The following TRIM9 variants were observed in gnomAD, a reference collection of about 807,000 sequenced individuals.
The protein encoded by TRIM9 is tripartite motif containing 9.
TRIM9 carries 26 observed loss-of-function variants against 78.3 expected under a neutral mutation model. That is an observed-to-expected ratio of 0.33 (90% CI 0.24 to 0.46). The LOEUF (loss-of-function observed/expected upper bound fraction) is 0.46, where lower values mean the gene tolerates loss of function less well. Ranked by LOEUF, TRIM9 falls within the 20% of genes least tolerant of loss-of-function variation. TRIM9 has a pLI of 1.00. For synonymous variants in TRIM9, 398 were observed against 416.5 expected, an observed-to-expected ratio of 0.96 and a Z score of 0.54; for missense variants, 787 against 1,036.4, an observed-to-expected ratio of 0.76 and a Z score of 3.30.
intron 7 of TRIM9, among the ~76,000 whole-genome samples, chr14:50,990,428 C>G (rs531215975): frequency 1.3e-5 from 2 of 152,066 alleles, no homozygotes; most frequent in Non-Finnish European, 2.9e-5. Context: ...GGAGACTCAA[C>G]CATAAGAAAA....
At chr14:51,071,732 G>T (rs533333905) in intron 1 of TRIM9, among the ~76,000 whole-genome samples, 2 of 152,328 alleles carry the variant, frequency 1.3e-5, no homozygotes, top group Admixed American at 6.5e-5. Flanking sequence ...CTTGAGAGTG[G>T]GAGGTCAAGG....
intron 1 of TRIM9, among the ~76,000 whole-genome samples, chr14:51,047,951 C>T (rs553395972): frequency 9.1e-6 from 1 of 110,054 alleles, no homozygotes; most frequent in East Asian, 2.5e-4. Flanking sequence ...TACTGTGAGA[C>T]CCTGTCTCAA....
At chr14:50,995,520 A>G (rs944369131) in intron 7 of TRIM9, among the ~76,000 whole-genome samples, 1 of 152,222 alleles carries the variant, frequency 6.6e-6, no homozygotes, top group African/African-American at 2.4e-5. Context: ...CCCCTGCATA[A>G]CGTTACCTTT....
At chr14:51,072,884 A>G (rs2062420735) in intron 1 of TRIM9, among the ~76,000 whole-genome samples, 1 of 152,204 alleles carries the variant, frequency 6.6e-6, no homozygotes, top group African/African-American at 2.4e-5. Context: ...CTGAGAAAAA[A>G]ATTACAAGAG....
At chr14:51,037,894 A>C (rs1355386788) in intron 1 of TRIM9, among the ~76,000 whole-genome samples, 1 of 152,178 alleles carries the variant, frequency 6.6e-6, no homozygotes, top group Admixed American at 6.5e-5. Flanking sequence ...AAGCAGCATT[A>C]GTACATGTTC....
At chr14:51,029,964 C>T (rs1227219083) in intron 1 of TRIM9, among the ~76,000 whole-genome samples, 1 of 152,184 alleles carries the variant, frequency 6.6e-6, no homozygotes, top group Non-Finnish European at 1.5e-5. Flanking sequence ...GAGAGGATGA[C>T]TATGATTGAT....
At chr14:51,001,646 AT>A (rs921416243) in intron 5 of TRIM9, among the ~76,000 whole-genome samples, 2 of 151,560 alleles carry the variant, frequency 1.3e-5, no homozygotes, top group East Asian at 1.9e-4. Flanking sequence ...ATATTCCATC[AT>A]TTTTTTTTAA....
intron 9 of TRIM9, 99 bp downstream of exon 9, chr14:50,983,281 A>G: frequency 9.6e-7 from 1 of 1,044,494 alleles, no homozygotes; most frequent in Non-Finnish European, 1.4e-6. Flanking sequence ...CAATTAGACA[A>G]TTTTATTGAC....
chr14:51,068,683 G>A (rs2061958453), intron 1 of TRIM9, among the ~76,000 whole-genome samples: 1 of 152,160 alleles, frequency 6.6e-6, no homozygotes, highest in East Asian at 1.9e-4. Flanking sequence ...GCCACTATGG[G>A]TGGGTTATGA....
intron 5 of TRIM9, among the ~76,000 whole-genome samples, chr14:51,002,673 T>C (rs1226924674): frequency 6.6e-6 from 1 of 152,170 alleles, no homozygotes; most frequent in African/African-American, 2.4e-5. Context: ...CAAAACAGTG[T>C]TTAATTTTAC....
chr14:50,992,764 G>C (rs2053684114), intron 7 of TRIM9, among the ~76,000 whole-genome samples: 2 of 152,120 alleles, frequency 1.3e-5, no homozygotes, highest in African/African-American at 4.8e-5. Flanking sequence ...ACAATGAAAG[G>C]GGCAGCGTGA....
At chr14:51,016,464 C>T in intron 3 of TRIM9, among the ~76,000 whole-genome samples, 1 of 150,134 alleles carries the variant, frequency 6.7e-6, no homozygotes, top group Middle Eastern at 3.4e-3. Flanking sequence ...ACCATTCCCC[C>T]CCACCCCCTA....
intron 1 of TRIM9, among the ~76,000 whole-genome samples, chr14:51,072,676 G>A (rs1195602134): frequency 6.6e-6 from 1 of 151,030 alleles, no homozygotes; most frequent in Non-Finnish European, 1.5e-5. Context: ...TTTACTTAGA[G>A]ACTATTTGAA....
At chr14:51,085,248 T>C (rs1201889635) in intron 1 of TRIM9, among the ~76,000 whole-genome samples, 1 of 152,208 alleles carries the variant, frequency 6.6e-6, no homozygotes, top group African/African-American at 2.4e-5. Context: ...CAGTGTCACA[T>C]GAATAAATCA....
chr14:51,023,790 A>G, intron 2 of TRIM9, among the ~76,000 whole-genome samples: 1 of 152,340 alleles, frequency 6.6e-6, no homozygotes, highest in South Asian at 2.1e-4. Flanking sequence ...TTTACAGTAA[A>G]CGAAAGCTAA....
In TRIM9 at chr14:51,035,634, T is replaced by C. The variant is rs554975616; in HGVS notation, c.823-10274A>G. Among the ~76,000 whole-genome samples the C allele has an allele frequency of 2.6e-5, 4 of 152,296 alleles. No individual in the cohort carries two copies. The South Asian group carries it at 6.2e-4, about 24-fold the overall frequency. Reference sequence around the variant, plus strand: ...GAACGCTATACCACCCGGAAGAACATGGTGGCCCAGTGTGGACGTGAAGGC... The same window carrying C: ...GAACGCTATACCACCCGGAAGAACACGGTGGCCCAGTGTGGACGTGAAGGC... On this transcript the variant is annotated intron_variant, in intron 1 of 12. Transcript: ENST00000684578.
At chr14:51,091,638 C>G (rs925185428) in intron 1 of TRIM9, among the ~76,000 whole-genome samples, 2 of 152,126 alleles carry the variant, frequency 1.3e-5, no homozygotes, top group African/African-American at 4.8e-5. Flanking sequence ...TAACAGATGA[C>G]AAGTGAATGT....
chr14:50,990,063 C>G (rs2053292626), intron 7 of TRIM9, among the ~76,000 whole-genome samples: 1 of 152,118 alleles, frequency 6.6e-6, no homozygotes, highest in Non-Finnish European at 1.5e-5. Flanking sequence ...GTCATCCAGG[C>G]TAGAGTGTAG....
At chr14:51,077,280 C>T (rs1399991769) in intron 1 of TRIM9, among the ~76,000 whole-genome samples, 1 of 151,300 alleles carries the variant, frequency 6.6e-6, no homozygotes, top group Non-Finnish European at 1.5e-5. Context: ...ATAGGTGAGA[C>T]AGTATAGGTG....
Sources: gnomAD v4.1 joint callset for allele counts (sites outside exome capture counted in the v4.1 genomes callset) on GRCh38, gnomAD v4.1.1 for gene constraint, MANE v1.5 for transcripts, NCBI Gene and HGNC (gene_info 2026-07-23, HGNC 2026-07-21) for gene names.